Variants in FAF1 observed in about 807,000 individuals in gnomAD.
The protein encoded by FAF1 is FAS-associated factor 1.
FAF1 carries 25 observed loss-of-function variants against 92.5 expected under a neutral mutation model. The observed-to-expected ratio is 0.27, with a 90% CI of 0.20 to 0.38. FAF1 has a LOEUF of 0.38. Among genes scored for constraint, FAF1 ranks in the 10% least tolerant of loss-of-function variants. The pLI, the probability that FAF1 is intolerant of heterozygous loss-of-function variation, is 1.00. For synonymous variants in FAF1, 234 were observed against 273.2 expected, an observed-to-expected ratio of 0.86 and a Z score of 1.42; for missense variants, 636 against 793.3, an observed-to-expected ratio of 0.80 and a Z score of 2.38.
rs910234070 is a variant in FAF1, at chr1:50,515,962, G to T, written c.1494+19407C>A. Among the ~76,000 whole-genome samples the T allele has an allele frequency of 3.3e-5, 5 of 151,890 alleles. No individual in the cohort carries two copies. The South Asian group carries it at 6.2e-4, about 19-fold the overall frequency. ...CTTCCAAACTTAGTTTATATTATTA[G>T]TATTACTGCAGATAATATTTCCTGA... On this transcript the variant is annotated intron_variant, in intron 15 of 18. Transcript: ENST00000396153.
chr1:50,831,533 TAC>T (rs1368098477), intron 2 of FAF1, among the ~76,000 whole-genome samples: 5 of 152,184 alleles, frequency 3.3e-5, no homozygotes, highest in Non-Finnish European at 5.9e-5. Context: ...CGTCCCCTTG[TAC>T]AGTGTTGGGT....
intron 1 of FAF1, among the ~76,000 whole-genome samples, chr1:50,888,032 T>C (rs542147385): frequency 6.6e-6 from 1 of 152,372 alleles, no homozygotes; most frequent in South Asian, 2.1e-4. Context: ...CTTCCATTTG[T>C]TTGTATCCTC....
chr1:50,471,072 A>G (rs1309229170), intron 18 of FAF1: 2 of 152,266 alleles, frequency 1.3e-5, no homozygotes, highest in East Asian at 3.8e-4. Flanking sequence ...ACCTGGTATG[A>G]AGGCTGAAAC....
chr1:50,468,156 C>A (rs1280447423), intron 18 of FAF1, among the ~76,000 whole-genome samples: 1 of 152,018 alleles, frequency 6.6e-6, no homozygotes, highest in Non-Finnish European at 1.5e-5. Flanking sequence ...CTGCAGTGAG[C>A]TATAATTGTG....
At chr1:50,516,841 A>G (rs1647237265) in intron 15 of FAF1, among the ~76,000 whole-genome samples, 1 of 152,196 alleles carries the variant, frequency 6.6e-6, no homozygotes, top group South Asian at 2.1e-4. Flanking sequence ...AGAGATTTTC[A>G]CAAACACTTT....
chr1:50,779,472 T>C (rs1661082651), intron 4 of FAF1, among the ~76,000 whole-genome samples: 1 of 152,126 alleles, frequency 6.6e-6, no homozygotes, highest in Non-Finnish European at 1.5e-5. Context: ...TACTCCATGA[T>C]CCATGGGCTG....
At chr1:50,920,225 T>TG (rs1161845006) in intron 1 of FAF1, among the ~76,000 whole-genome samples, 2 of 148,284 alleles carry the variant, frequency 1.3e-5, no homozygotes, top group Non-Finnish European at 3.0e-5. Flanking sequence ...CGCTTGAGCC[T>TG]GGGGGGCAGA....
At chr1:50,599,366 C>T (rs1323993638) in intron 8 of FAF1, among the ~76,000 whole-genome samples, 1 of 152,116 alleles carries the variant, frequency 6.6e-6, no homozygotes, top group Non-Finnish European at 1.5e-5. Flanking sequence ...CCCACCTCAG[C>T]CTCCCAAAGT....
chr1:50,655,333 T>G, intron 8 of FAF1, 109 bp downstream of exon 8: 2 of 797,466 alleles, frequency 2.5e-6, no homozygotes, highest in Non-Finnish European at 4.4e-6. Flanking sequence ...GATAATTCTT[T>G]CAATGGAAGA....
intron 2 of FAF1, among the ~76,000 whole-genome samples, chr1:50,826,001 C>T (rs1030715127): frequency 3.3e-5 from 5 of 151,894 alleles, no homozygotes; most frequent in African/African-American, 9.7e-5. Flanking sequence ...GCAAAACATA[C>T]GATATGCATC....
chr1:50,785,704 T>C (rs1014541351), intron 4 of FAF1, among the ~76,000 whole-genome samples: 1 of 152,000 alleles, frequency 6.6e-6, no homozygotes, highest in Non-Finnish European at 1.5e-5. Context: ...GAATGTAAAA[T>C]GGTGTAGCTG....
At chr1:50,804,574 T>C (rs1662117194) in intron 2 of FAF1, among the ~76,000 whole-genome samples, 1 of 152,164 alleles carries the variant, frequency 6.6e-6, no homozygotes, top group African/African-American at 2.4e-5. Context: ...TTATTAGACA[T>C]AGTTTAAAAC....
intron 15 of FAF1, among the ~76,000 whole-genome samples, chr1:50,522,704 C>T (rs1455735621): frequency 6.6e-6 from 1 of 152,140 alleles, no homozygotes; most frequent in Non-Finnish European, 1.5e-5. Context: ...AGTAACCTGT[C>T]GCTTCTCTGC....
chr1:50,569,045 G>C (rs906882357), intron 12 of FAF1, among the ~76,000 whole-genome samples: 3 of 152,070 alleles, frequency 2.0e-5, no homozygotes, highest in East Asian at 1.9e-4. Context: ...AGAAAGACTC[G>C]GGGTTTCTTC....
intron 5 of FAF1, among the ~76,000 whole-genome samples, chr1:50,743,080 T>C (rs1017010541): frequency 2.0e-5 from 3 of 152,228 alleles, no homozygotes; most frequent in Non-Finnish European, 4.4e-5. Context: ...ATTAAGTAGC[T>C]GTATGGCACA....
chr1:50,652,098 C>T (rs969676129), intron 8 of FAF1, among the ~76,000 whole-genome samples: 2 of 152,178 alleles, frequency 1.3e-5, no homozygotes, highest in Non-Finnish European at 1.5e-5. Context: ...GCAGGCACCA[C>T]TTCACAGGTT....
At chr1:50,957,939 C>G (rs1396376519) in intron 1 of FAF1, among the ~76,000 whole-genome samples, 1 of 152,062 alleles carries the variant, frequency 6.6e-6, no homozygotes, top group Non-Finnish European at 1.5e-5. Flanking sequence ...TCAAACAGTG[C>G]ATTCCACATT....
chr1:50,696,736 T>C (rs1657248257), intron 7 of FAF1, among the ~76,000 whole-genome samples: 3 of 152,170 alleles, frequency 2.0e-5, no homozygotes, highest in African/African-American at 4.8e-5. Context: ...TTCCCAGTAT[T>C]ATTCTTTTCC....
intron 18 of FAF1, among the ~76,000 whole-genome samples, chr1:50,447,121 C>CTTTTTTTTTTTTTTTTTTTTTTTTT (rs61612294): frequency 8.9e-6 from 1 of 112,856 alleles, no homozygotes; most frequent in Non-Finnish European, 1.8e-5. Flanking sequence ...CATATTCCTG[C>CTTTTTTTTTTTTTTTTTTTTTTTTT]TTTTTTTTTT....
Sources: allele counts gnomAD v4.1 joint callset (sites outside exome capture counted in the v4.1 genomes callset), GRCh38; gene constraint gnomAD v4.1.1; transcripts MANE v1.5; gene names NCBI Gene and HGNC (gene_info 2026-07-23, HGNC 2026-07-21).